PROK1: variants seen among roughly 807,000 people sequenced by gnomAD.
The protein encoded by PROK1 is prokineticin 1.
PROK1 carries 10 observed loss-of-function variants against 8.8 expected under a neutral mutation model. The observed-to-expected ratio is 1.13, with a 90% CI of 0.70 to 1.92. The LOEUF (loss-of-function observed/expected upper bound fraction) is 1.92, where lower values mean the gene tolerates loss of function less well. Ranked by LOEUF, PROK1 falls within the 30% of genes most tolerant of loss-of-function variation. The pLI, the probability that PROK1 is intolerant of heterozygous loss-of-function variation, is 0.00. For synonymous variants in PROK1, 57 were observed against 56.0 expected, an observed-to-expected ratio of 1.02 and a Z score of -0.08; for missense variants, 140 against 139.7, an observed-to-expected ratio of 1.00 and a Z score of -0.01.
rs554631181 is a variant in PROK1, at chr1:110,456,251, G to A, written c.218G>A (p.Arg73His). 10 of 1,613,390 alleles carry A rather than the reference G, an allele frequency of 6.2e-6. No homozygotes were observed. Among genetic ancestry groups the A allele is most frequent in the East Asian group, 2.2e-5 (1 of 44,874 alleles). Residue 73 changes from arginine (R) to histidine (H), a missense_variant, in exon 3 of 3, where the codon CGC becomes CAC. Coordinates refer to ENST00000271331, the MANE Select transcript of PROK1 (RefSeq NM_032414.3). ...GSHKVPFFRK[R>H]KHHTCPCLPN... ...CCTTAGGTCCCCTTCTTCAGGAAAC[G>A]CAAGCACCACACCTGTCCTTGCTTG...
rs1664084325 is a variant in PROK1 at position 110,451,203 on chromosome 1, C to CA, written c.-13dup. The CA allele has an allele frequency of 1.2e-6, 2 of 1,613,786 alleles. No individual in the cohort carries two copies. The highest frequency in any genetic ancestry group is 1.6e-4 in the Middle Eastern group (1 of 6,084). On this transcript the variant is annotated 5_prime_UTR_variant, in exon 1 of 3. Transcript: ENST00000271331. ...ATCTAAGCAGGCAGTGTTTTGCCTT[C>CA]ACCCCAAGTGACCATGAGAGGTGCC...
chr1:110,451,153 G>A lies in PROK1; in HGVS notation c.-64G>A. The A allele has an allele frequency of 3.3e-6, 5 of 1,521,114 alleles. No homozygotes were observed. Among genetic ancestry groups the A allele is most frequent in the Non-Finnish European group, 4.6e-6 (5 of 1,095,782 alleles). The allele number at this position is 1,521,114 out of a possible 1,614,324, so 94.2% of individuals were successfully genotyped here. A position where few individuals can be genotyped will look rare whatever the true frequency, so the allele number is the denominator to read the frequency against. On this transcript the variant is annotated 5_prime_UTR_variant, in exon 1 of 3. Transcript: ENST00000271331. The stretch of plus-strand genomic sequence containing the variant: ...GGCCTCCCCAGCTTGCCAGGCACAA[G>A]GCTGAGCGGGAGGAAGCGAGAGGCA...
chr1:110,451,665 G>A (rs1014751005), intron 1 of PROK1, among the ~76,000 whole-genome samples: 12 of 152,076 alleles, frequency 7.9e-5, no homozygotes, highest in Non-Finnish European at 1.8e-4. Context: ...TTTATTTATG[G>A]TCTGATTCAC....
rs1664183097 is a variant in PROK1, at chr1:110,456,950, C to A, written c.*599C>A. 1 of 164,720 alleles carries A rather than the reference C, an allele frequency of 6.1e-6. No homozygotes were observed. The allele number at this position is 164,720 out of a possible 1,614,324, so 10.2% of individuals were successfully genotyped here. On this transcript the variant is annotated 3_prime_UTR_variant, in exon 3 of 3. Transcript: ENST00000271331. ...TAGGGAGCCCAGGGAGGCCAATCAG[C>A]CCCCTGAAGACTCTGGTCCCAGTCA...
chr1:110,452,190 G>C (rs1664097760), intron 1 of PROK1, among the ~76,000 whole-genome samples: 1 of 152,136 alleles, frequency 6.6e-6, no homozygotes, highest in African/African-American at 2.4e-5. Flanking sequence ...CATGGATAGT[G>C]GAAATGTAGA....
chr1:110,451,230 C>T lies in PROK1; in HGVS notation c.14C>T (p.Thr5Met), dbSNP rs116864400. ...CCCCAAGTGACCATGAGAGGTGCCA[C>T]GCGAGTCTCAATCATGCTCCTCCTA... MRGA[T>M]RVSIMLLLVT... The change falls in exon 1 of 3, where the codon ACG (threonine) becomes ATG (methionine). Residue 5 changes from threonine to methionine, a missense_variant. Physicochemically the swap from Thr to Met is moderately conservative, Grantham distance 81 (BLOSUM62 -1). Transcript: ENST00000271331. 5 of 1,614,154 alleles carry T rather than the reference C, an allele frequency of 3.1e-6. No individual in the cohort carries two copies. Among genetic ancestry groups the T allele is most frequent in the East Asian group, 4.5e-5 (2 of 44,888 alleles).
intron 1 of PROK1, 117 bp from the exon 2 acceptor site, chr1:110,453,844 G>A: frequency 7.2e-7 from 1 of 1,385,486 alleles, no homozygotes; most frequent in Non-Finnish European, 1.0e-6. Context: ...AAGGCCGGGG[G>A]TGATACTCTC....
chr1:110,457,173 A>G lies in PROK1; in HGVS notation c.*822A>G, dbSNP rs1664186099. On this transcript the variant is annotated 3_prime_UTR_variant, in exon 3 of 3. Coordinates refer to ENST00000271331, the MANE Select transcript of PROK1 (RefSeq NM_032414.3). ...GGCAATTAGGGTGTTTCCTTAAACA[A>G]CTCCTTTCCAAGGATCAGCCCTGAG... The G allele has an allele frequency of 6.6e-6, 1 of 152,374 alleles. No homozygotes were observed. Among genetic ancestry groups the G allele is most frequent in the Non-Finnish European group, 1.5e-5 (1 of 68,242 alleles). The allele number at this position is 152,374 out of a possible 1,614,324, so 9.4% of individuals were successfully genotyped here. A position where few individuals can be genotyped will look rare whatever the true frequency, so the allele number is the denominator to read the frequency against.
rs781470960 is a variant in PROK1 at position 110,453,975 on chromosome 1, T to A, written c.87T>A (p.Asp29Glu). ...CAVITGACER[D>E]VQCGAGTCCA... ...CCCTCCTACAGGCCTGTGAGCGGGA[T>A]GTCCAGTGTGGGGCAGGCACCTGCT... Residue 29 changes from aspartate (D) to glutamate (E), a missense_variant, in exon 2 of 3, where the codon GAT becomes GAA. Asp to Glu is a conservative substitution (Grantham distance 45, BLOSUM62 2). Transcript: ENST00000271331. 6.2e-7 allele frequency: 1 copy of A among 1,614,180 alleles called. No homozygotes were observed. The highest frequency in any genetic ancestry group is 8.5e-7 in the Non-Finnish European group (1 of 1,180,014).
chr1:110,453,135 C>T (rs1362407497), intron 1 of PROK1, among the ~76,000 whole-genome samples: 1 of 152,188 alleles, frequency 6.6e-6, no homozygotes, highest in African/African-American at 2.4e-5. Context: ...GATCCAAAAC[C>T]CAGCTTTGCA....
At chr1:110,452,461 C>T (rs931370597) in intron 1 of PROK1, among the ~76,000 whole-genome samples, 6 of 152,208 alleles carry the variant, frequency 3.9e-5, no homozygotes, top group Admixed American at 6.5e-5. Flanking sequence ...AGAGAAGCCC[C>T]GGCTGCTGCG....
In PROK1 at chr1:110,455,614, T is replaced by C. The variant is rs567899343; in HGVS notation, c.199-618T>C. Among the ~76,000 whole-genome samples the C allele has an allele frequency of 2.6e-5, 4 of 152,364 alleles. No homozygotes were observed. The South Asian group carries it at 8.3e-4, about 32-fold the overall frequency. The stretch of plus-strand genomic sequence containing the variant: ...TCATACTGGGTGCTTTTTGTTATTT[T>C]AACCTCTTTATAACCACATGTGGTA... On this transcript the variant is annotated intron_variant, in intron 2 of 2. Transcript: ENST00000271331.
intron 2 of PROK1, among the ~76,000 whole-genome samples, chr1:110,454,340 CCTTA>C (rs1664137648): frequency 1.3e-5 from 2 of 152,222 alleles, no homozygotes; most frequent in African/African-American, 4.8e-5. Flanking sequence ...CAGGCATCCA[CCTTA>C]CTTAGTGCCC....
chr1:110,454,213 G>T, intron 2 of PROK1, 127 bp downstream of exon 2: 1 of 1,285,644 alleles, frequency 7.8e-7, no homozygotes. Context: ...GCAGTCTAGG[G>T]AGGCTGTGGC....
intron 1 of PROK1, 64 bp from the exon 2 acceptor site, chr1:110,453,897 C>T (rs1664128504): frequency 1.2e-6 from 2 of 1,604,858 alleles, no homozygotes; most frequent in South Asian, 2.2e-5. Flanking sequence ...TTTGGATCTA[C>T]CCTTCCCTTC....
At chr1:110,452,635 T>G (rs965637876) in intron 1 of PROK1, among the ~76,000 whole-genome samples, 1 of 152,050 alleles carries the variant, frequency 6.6e-6, no homozygotes, top group Non-Finnish European at 1.5e-5. Context: ...TTTCCCTAGG[T>G]GAGGGAAACC....
chr1:110,454,272 C>A (rs1373401798), intron 2 of PROK1, among the ~76,000 whole-genome samples, 186 bp downstream of exon 2: 1 of 152,238 alleles, frequency 6.6e-6, no homozygotes, highest in Non-Finnish European at 1.5e-5. Context: ...CCTGATCCAG[C>A]CCCTGAATGT....
In PROK1 at chr1:110,456,880, T is replaced by C. The variant is rs984630817; in HGVS notation, c.*529T>C. On this transcript the variant is annotated 3_prime_UTR_variant, in exon 3 of 3. Coordinates refer to ENST00000271331, the MANE Select transcript of PROK1 (RefSeq NM_032414.3). ...TTAGTTTCAGACCACAGACTCAAGATTGGCTCTTCCCAGAGGGCAGCAGAC... is the reference window on the plus strand; with the variant it reads ...TTAGTTTCAGACCACAGACTCAAGACTGGCTCTTCCCAGAGGGCAGCAGAC... 3.6e-5 allele frequency: 7 copies of C among 196,484 alleles called. No individual in the cohort carries two copies. Among genetic ancestry groups the C allele is most frequent in the African/African-American group, 1.4e-4 (6 of 43,218 alleles). The allele number at this position is 196,484 out of a possible 1,614,324, so 12.2% of individuals were successfully genotyped here.
chr1:110,453,782 CCCACGAGGGGAG>C (rs1664126549), intron 1 of PROK1, among the ~76,000 whole-genome samples, 167 bp from the exon 2 acceptor site: 1 of 152,188 alleles, frequency 6.6e-6, no homozygotes, highest in South Asian at 2.1e-4. Flanking sequence ...CCTGAGCCTC[CCCACGAGGGGAG>C]CAAGGCAATA....
Sources: allele counts gnomAD v4.1 joint callset (sites outside exome capture counted in the v4.1 genomes callset), GRCh38; gene constraint gnomAD v4.1.1; transcripts MANE v1.5; gene names NCBI Gene and HGNC (gene_info 2026-07-23, HGNC 2026-07-21).